The following GLRX3 variants were observed in gnomAD, a reference collection of about 807,000 sequenced individuals.
The protein encoded by GLRX3 is glutaredoxin 3.
A neutral mutation model predicts 49.5 loss-of-function variants in GLRX3; 22 were observed. That is an observed-to-expected ratio of 0.44 (90% CI 0.32 to 0.63). The LOEUF (loss-of-function observed/expected upper bound fraction) is 0.63. Among genes scored for constraint, GLRX3 ranks in the 30% least tolerant of loss-of-function variants. The pLI, the probability that GLRX3 is intolerant of heterozygous loss-of-function variation, is 0.05. For synonymous variants in GLRX3, 133 were observed against 140.0 expected, an observed-to-expected ratio of 0.95 and a Z score of 0.35; for missense variants, 385 against 396.3, an observed-to-expected ratio of 0.97 and a Z score of 0.24.
At chr10:130,154,682 C>T (rs753575998) in intron 2 of GLRX3, among the ~76,000 whole-genome samples, 23 of 151,972 alleles carry the variant, frequency 1.5e-4, no homozygotes, top group Non-Finnish European at 2.4e-4. Context: ...CAGCTCAGTG[C>T]CATCATTGGT....
intron 2 of GLRX3, among the ~76,000 whole-genome samples, chr10:130,154,147 G>A (rs925062789): frequency 4.6e-5 from 7 of 152,218 alleles, no homozygotes. Flanking sequence ...AGCCAGGCAC[G>A]GGAGGGAATC....
intron 8 of GLRX3, among the ~76,000 whole-genome samples, chr10:130,172,523 CT>C (rs1564999647): frequency 6.6e-6 from 1 of 152,158 alleles, no homozygotes; most frequent in African/African-American, 2.4e-5. Context: ...ATGATTGTAT[CT>C]TTTAAAAATC....
intron 2 of GLRX3, among the ~76,000 whole-genome samples, chr10:130,145,759 C>G (rs1862259992): frequency 6.6e-6 from 1 of 151,912 alleles, no homozygotes; most frequent in African/African-American, 2.4e-5. Flanking sequence ...GGTGTGGGAT[C>G]TGTTATTTTT....
chr10:130,152,727 C>T (rs1862401738), intron 2 of GLRX3, among the ~76,000 whole-genome samples: 1 of 151,974 alleles, frequency 6.6e-6, no homozygotes, highest in South Asian at 2.1e-4. Flanking sequence ...TCTGGCTGCC[C>T]TTAACATTTT....
At chr10:130,143,155 C>CT (rs1384205229) in intron 1 of GLRX3, among the ~76,000 whole-genome samples, 1 of 152,180 alleles carries the variant, frequency 6.6e-6, no homozygotes, top group African/African-American at 2.4e-5. Flanking sequence ...TGTAGACTGC[C>CT]TTATCTGTCA....
At chr10:130,161,289 G>A (rs549078421) in intron 4 of GLRX3, among the ~76,000 whole-genome samples, 1 of 152,318 alleles carries the variant, frequency 6.6e-6, no homozygotes, top group East Asian at 1.9e-4. Context: ...CTTGCCCAAG[G>A]TCACCTGGTA....
intron 1 of GLRX3, among the ~76,000 whole-genome samples, chr10:130,137,256 T>G (rs1862075976): frequency 6.6e-6 from 1 of 152,180 alleles, no homozygotes; most frequent in Non-Finnish European, 1.5e-5. Flanking sequence ...CAAAAGGAGA[T>G]CCAGAGGAAT....
chr10:130,176,766 C>G (rs1862929408), intron 10 of GLRX3, among the ~76,000 whole-genome samples: 1 of 53,664 alleles, frequency 1.9e-5, no homozygotes, highest in Admixed American at 1.7e-4. Flanking sequence ...CCCTCCCTCC[C>G]TCCCTCTTTC....
At chr10:130,169,520 A>G (rs1220308860) in intron 7 of GLRX3, 30 bp downstream of exon 7, 7 of 1,431,094 alleles carry the variant, frequency 4.9e-6, no homozygotes, top group African/African-American at 1.4e-5. Flanking sequence ...TTTTATTTGT[A>G]ATTTCTTTTG....
intron 8 of GLRX3, among the ~76,000 whole-genome samples, chr10:130,173,149 A>G (rs1392163695): frequency 1.3e-5 from 2 of 152,128 alleles, no homozygotes; most frequent in African/African-American, 4.8e-5. Context: ...AGACACACAC[A>G]GTCCATCCCT....
At chr10:130,140,595 T>G (rs1379856673) in intron 1 of GLRX3, among the ~76,000 whole-genome samples, 1 of 152,240 alleles carries the variant, frequency 6.6e-6, no homozygotes, top group Non-Finnish European at 1.5e-5. Context: ...TTTACAGATG[T>G]GGAAGTTAAA....
At chr10:130,161,629 TTAAG>T (rs1253350297) in intron 4 of GLRX3, among the ~76,000 whole-genome samples, 5 of 152,224 alleles carry the variant, frequency 3.3e-5, no homozygotes, top group Non-Finnish European at 7.3e-5. Context: ...AATTTTGTCC[TTAAG>T]TAAGTTTTAG....
At chr10:130,169,617 G>A (rs1366867661) in intron 7 of GLRX3, 127 bp downstream of exon 7, 6 of 666,090 alleles carry the variant, frequency 9.0e-6, no homozygotes, top group Admixed American at 7.2e-5. Flanking sequence ...AGTTATCCAC[G>A]CCTTAATTGG....
At chr10:130,170,456 A>G (rs898345100) in intron 7 of GLRX3, among the ~76,000 whole-genome samples, 20 of 152,214 alleles carry the variant, frequency 1.3e-4, no homozygotes, top group African/African-American at 4.8e-4. Context: ...GGTTAATATA[A>G]TTAGGTAATA....
At chr10:130,178,632 A>T (rs1377937766) in intron 10 of GLRX3, among the ~76,000 whole-genome samples, 1 of 152,100 alleles carries the variant, frequency 6.6e-6, no homozygotes, top group Non-Finnish European at 1.5e-5. Context: ...TAGGGGCTTC[A>T]TTGGCTCCAG....
chr10:130,136,393 T>C lies in GLRX3; in HGVS notation c.-28T>C, dbSNP rs1016578507. On this transcript the variant is annotated 5_prime_UTR_variant, in exon 1 of 11. Transcript: ENST00000331244. The stretch of plus-strand genomic sequence containing the variant: ...CCCGCCCACATCCGGCCGCCGGCAC[T>C]GGATTGCTTCTGTCTGGCGGCGGCA... The C allele has an allele frequency of 8.0e-7, 1 of 1,245,116 alleles. No homozygotes were observed. The highest frequency in any genetic ancestry group is 4.0e-5 in the South Asian group (1 of 24,822). 77.1% of individuals were successfully genotyped at this position (1,245,116 alleles called of 1,614,324 possible).
intron 6 of GLRX3, 23 bp downstream of exon 6, chr10:130,167,003 A>C (rs781577931): frequency 7.6e-7 from 1 of 1,318,622 alleles, no homozygotes; most frequent in Non-Finnish European, 1.1e-6. Context: ...GAAGGTTTCA[A>C]ATAGCCTATC....
intron 6 of GLRX3, 103 bp from the exon 7 acceptor site, chr10:130,169,330 G>A (rs1862757177): frequency 6.7e-6 from 5 of 749,884 alleles, no homozygotes; most frequent in South Asian, 5.8e-5. Context: ...GCTGTGAACT[G>A]TCATCCTGCC....
chr10:130,165,482 G>C (rs1002198103), intron 4 of GLRX3, among the ~76,000 whole-genome samples: 1 of 152,074 alleles, frequency 6.6e-6, no homozygotes, highest in Admixed American at 6.5e-5. Flanking sequence ...TCGCTATAGT[G>C]TAGTAAAAAA....
Sources: gnomAD v4.1 joint callset for allele counts (sites outside exome capture counted in the v4.1 genomes callset) on GRCh38, gnomAD v4.1.1 for gene constraint, MANE v1.5 for transcripts, NCBI Gene and HGNC (gene_info 2026-07-23, HGNC 2026-07-21) for gene names.